The following SLC14A2 variants were observed in gnomAD, a reference collection of about 807,000 sequenced individuals.
The protein encoded by SLC14A2 is solute carrier family 14 member 2.
In SLC14A2, 91 loss-of-function variants were observed where a neutral mutation model predicts 104.6. The ratio of observed to expected loss-of-function variants is 0.87; its 90% CI spans 0.73 to 1.04. SLC14A2 has a LOEUF of 1.04. SLC14A2 is among the 50% of genes least tolerant of loss of function. The pLI is 0.00. For synonymous variants in SLC14A2, 476 were observed against 466.4 expected, an observed-to-expected ratio of 1.02 and a Z score of -0.27; for missense variants, 1,189 against 1,156.0, an observed-to-expected ratio of 1.03 and a Z score of -0.41.
chr18:45,425,681 T>C (rs1320637674), intron 1 of SLC14A2, among the ~76,000 whole-genome samples: 1 of 152,168 alleles, frequency 6.6e-6, no homozygotes, highest in Admixed American at 6.5e-5. Flanking sequence ...ATTTTAAATA[T>C]CTTCTAGTAA....
At position 45,324,758 on chromosome 18, in the gene SLC14A2, C is replaced by G. The variant is rs897459583; in HGVS notation, c.-125+111567C>G. Among the ~76,000 whole-genome samples, 10 of 152,066 alleles carry G rather than the reference C, an allele frequency of 6.6e-5. No homozygotes were observed. The East Asian group carries it at 9.7e-4, about 15-fold the overall frequency. Reference sequence around the variant, plus strand: ...CATTCCCCTTTCAGCCACCGCCCCCCACCCCCGCACACACACACACAACCC... The same window carrying G: ...CATTCCCCTTTCAGCCACCGCCCCCGACCCCCGCACACACACACACAACCC... On this transcript the variant is annotated intron_variant, in intron 1 of 20. Transcript: ENST00000586448.
At chr18:45,565,547 C>T (rs1167225192) in intron 2 of SLC14A2, among the ~76,000 whole-genome samples, 1 of 152,162 alleles carries the variant, frequency 6.6e-6, no homozygotes, top group African/African-American at 2.4e-5. Context: ...AATGGGCTGG[C>T]GTCGTGGATA....
intron 1 of SLC14A2, among the ~76,000 whole-genome samples, chr18:45,379,728 C>T (rs372209665): frequency 4.0e-4 from 61 of 152,326 alleles, no homozygotes; most frequent in African/African-American, 1.4e-3. Flanking sequence ...TTATTTTAAG[C>T]TTTCATAACC....
intron 10 of SLC14A2, among the ~76,000 whole-genome samples, chr18:45,660,282 G>T (rs2045917790): frequency 6.6e-6 from 1 of 152,126 alleles, no homozygotes. Flanking sequence ...CTACAAAGGT[G>T]ACAAGTCAAG....
intron 1 of SLC14A2, among the ~76,000 whole-genome samples, chr18:45,366,448 G>A (rs978408678): frequency 1.3e-5 from 2 of 152,172 alleles, no homozygotes; most frequent in African/African-American, 4.8e-5. Flanking sequence ...GGGGACCCCC[G>A]TGTGGCCACT....
intron 1 of SLC14A2, among the ~76,000 whole-genome samples, chr18:45,387,111 T>C (rs996004033): frequency 3.9e-5 from 6 of 152,324 alleles, no homozygotes; most frequent in African/African-American, 1.4e-4. Context: ...ACAGATATTC[T>C]ACTCATTGTG....
At chr18:45,654,146 C>CGGGG (rs1599128310) in intron 10 of SLC14A2, among the ~76,000 whole-genome samples, 1 of 98,204 alleles carries the variant, frequency 1.0e-5, no homozygotes, top group South Asian at 3.3e-4. Context: ...CTGGGGGGGA[C>CGGGG]GTGGGTGAGC....
chr18:45,502,544 T>A (rs1011245420), intron 2 of SLC14A2, among the ~76,000 whole-genome samples: 1 of 152,170 alleles, frequency 6.6e-6, no homozygotes, highest in Non-Finnish European at 1.5e-5. Flanking sequence ...TCATATATCA[T>A]AAACATGGGC....
intron 4 of SLC14A2, 51 bp downstream of exon 4, chr18:45,627,198 G>A: frequency 6.5e-7 from 1 of 1,528,852 alleles, no homozygotes; most frequent in Non-Finnish European, 9.0e-7. Context: ...ACAGAAAGTA[G>A]AGAGGTGTTT....
chr18:45,323,092 G>T lies in SLC14A2; in HGVS notation c.-125+109901G>T, dbSNP rs539451848. On this transcript the variant is annotated intron_variant, in intron 1 of 20. Transcript: ENST00000586448. ...GGTCTTGAGGTGTGTGATTCAGACC[G>T]TATGGACCTCACAAGGCTATTTTTT... is the stretch of plus-strand genomic sequence containing the variant. 1.4e-4 allele frequency among the ~76,000 whole-genome samples: 21 copies of T among 152,286 alleles called. No individual in the cohort carries two copies. In the South Asian group the frequency reaches 4.1e-3, roughly 30 times the overall value.
intron 4 of SLC14A2, among the ~76,000 whole-genome samples, chr18:45,631,639 C>A (rs950502004): frequency 6.6e-6 from 1 of 152,206 alleles, no homozygotes; most frequent in African/African-American, 2.4e-5. Flanking sequence ...GTTTTTGAGA[C>A]AGGGTCTTGC....
At chr18:45,572,381 A>T (rs2044360234) in intron 2 of SLC14A2, among the ~76,000 whole-genome samples, 1 of 152,188 alleles carries the variant, frequency 6.6e-6, no homozygotes. Context: ...TCTCTCTTGG[A>T]GTTTCCAGGT....
intron 10 of SLC14A2, among the ~76,000 whole-genome samples, chr18:45,645,869 G>C (rs1222175212): frequency 6.6e-6 from 1 of 152,134 alleles, no homozygotes; most frequent in Admixed American, 6.5e-5. Flanking sequence ...CCCTGATAGA[G>C]ACAGTCTACA....
chr18:45,359,451 G>T (rs1159914643), intron 1 of SLC14A2, among the ~76,000 whole-genome samples: 1 of 152,208 alleles, frequency 6.6e-6, no homozygotes, highest in African/African-American at 2.4e-5. Flanking sequence ...CCAGGGAAGA[G>T]ATAAGGAGTA....
chr18:45,620,711 A>C (rs963718572), intron 1 of SLC14A2, among the ~76,000 whole-genome samples: 1 of 152,180 alleles, frequency 6.6e-6, no homozygotes, highest in Non-Finnish European at 1.5e-5. Flanking sequence ...ATTTCTGAGT[A>C]TACCCATTCT....
chr18:45,250,669 G>A (rs942476600), intron 1 of SLC14A2, among the ~76,000 whole-genome samples: 23 of 151,550 alleles, frequency 1.5e-4, no homozygotes, highest in Admixed American at 7.2e-4. Context: ...GTGCTGCCCC[G>A]GGATTGAGAA....
At chr18:45,594,728 C>T (rs1451234026) in intron 2 of SLC14A2, among the ~76,000 whole-genome samples, 1 of 152,146 alleles carries the variant, frequency 6.6e-6, no homozygotes, top group Non-Finnish European at 1.5e-5. Flanking sequence ...GAGGCTGAAC[C>T]AGATGTCTTC....
intron 2 of SLC14A2, among the ~76,000 whole-genome samples, chr18:45,492,547 A>C (rs1418606850): frequency 6.6e-6 from 1 of 152,150 alleles, no homozygotes; most frequent in Non-Finnish European, 1.5e-5. Context: ...CCCATAATCC[A>C]ATCACTTCCC....
intron 1 of SLC14A2, among the ~76,000 whole-genome samples, chr18:45,362,335 G>A (rs1193101971): frequency 6.6e-6 from 1 of 152,186 alleles, no homozygotes; most frequent in Non-Finnish European, 1.5e-5. Flanking sequence ...AGTAGAATTT[G>A]AGCTGGGAAA....
Sources: allele counts gnomAD v4.1 joint callset (sites outside exome capture counted in the v4.1 genomes callset), GRCh38; gene constraint gnomAD v4.1.1; transcripts MANE v1.5; gene names NCBI Gene and HGNC (gene_info 2026-07-23, HGNC 2026-07-21).